The following PDGFC variants were observed in gnomAD, a reference collection of about 807,000 sequenced individuals.
PDGFC encodes the protein platelet-derived growth factor C.
Under a neutral mutation model 35.5 loss-of-function variants are expected in PDGFC, and 12 were observed. That is an observed-to-expected ratio of 0.34 (90% CI 0.22 to 0.55). The LOEUF is 0.55. Among genes scored for constraint, PDGFC ranks in the 20% least tolerant of loss-of-function variants. The pLI is 0.91. For missense variants in PDGFC, 322 were observed against 412.4 expected (o/e 0.78, Z 1.90); for synonymous variants, 159 against 148.8 (o/e 1.07, Z -0.50).
chr4:156,830,747 C>A (rs1728912426), intron 2 of PDGFC, among the ~76,000 whole-genome samples: 1 of 152,088 alleles, frequency 6.6e-6, no homozygotes, highest in Admixed American at 6.6e-5. Flanking sequence ...ATCGAGCATG[C>A]AATTCTTTAA....
At chr4:156,965,780 C>T (rs1732451415) in intron 1 of PDGFC, among the ~76,000 whole-genome samples, 1 of 152,090 alleles carries the variant, frequency 6.6e-6, no homozygotes, top group South Asian at 2.1e-4. Flanking sequence ...TCCTTCAAGT[C>T]ATGGGTCAGG....
chr4:156,970,939 C>T lies in PDGFC; in HGVS notation c.-36G>A. The T allele has an allele frequency of 1.4e-6, 2 of 1,413,328 alleles. No homozygotes were observed. Among genetic ancestry groups the T allele is most frequent in the Non-Finnish European group, 2.0e-6 (2 of 1,001,008 alleles). 87.5% of individuals were successfully genotyped at this position (1,413,328 alleles called of 1,614,324 possible). ...GGGGTGAGAGCTCACTCACGGCGGGCACTTTGGAAGCAGCGACTCCCGAGT... is the reference window on the plus strand; with the variant it reads ...GGGGTGAGAGCTCACTCACGGCGGGTACTTTGGAAGCAGCGACTCCCGAGT... On this transcript the variant is annotated 5_prime_UTR_variant, in exon 1 of 6. Coordinates refer to ENST00000502773, the MANE Select transcript of PDGFC (RefSeq NM_016205.3).
intron 2 of PDGFC, among the ~76,000 whole-genome samples, chr4:156,836,308 T>G (rs2111039287): frequency 6.6e-6 from 1 of 152,322 alleles, no homozygotes; most frequent in East Asian, 1.9e-4. Context: ...AACTCACAAC[T>G]ATGTAAATCC....
chr4:156,829,351 C>T (rs113296240), intron 2 of PDGFC, among the ~76,000 whole-genome samples: 1 of 152,252 alleles, frequency 6.6e-6, no homozygotes, highest in South Asian at 2.1e-4. Context: ...TAGGTGATTT[C>T]ATCATTGTAA....
intron 1 of PDGFC, among the ~76,000 whole-genome samples, chr4:156,896,559 T>C (rs1730637734): frequency 6.6e-6 from 1 of 152,168 alleles, no homozygotes; most frequent in Non-Finnish European, 1.5e-5. Context: ...AATCCCAATT[T>C]AAACTGGGCA....
chr4:156,863,740 T>A lies in PDGFC; in HGVS notation c.119-13324A>T, dbSNP rs144442053. ...CAGATTATAAATACCGTTCCCGAAT[T>A]TGATACTCTTAAAAAGTGGTAAATT... On this transcript the variant is annotated intron_variant, in intron 1 of 5. Coordinates refer to ENST00000502773, the MANE Select transcript of PDGFC (RefSeq NM_016205.3). Among the ~76,000 whole-genome samples, 14 of 152,214 alleles carry A rather than the reference T, an allele frequency of 9.2e-5. No homozygotes were observed. In the East Asian group the frequency reaches 2.7e-3, roughly 29 times the overall value.
intron 3 of PDGFC, 71 bp downstream of exon 3, chr4:156,810,766 T>G (rs1731910669): frequency 4.2e-6 from 4 of 957,642 alleles, no homozygotes; most frequent in Non-Finnish European, 6.3e-6. Flanking sequence ...TTCTCATGTG[T>G]AAGAGGAGAA....
chr4:156,871,429 A>T (rs563717893), intron 1 of PDGFC, among the ~76,000 whole-genome samples: 36 of 152,292 alleles, frequency 2.4e-4, no homozygotes, highest in Non-Finnish European at 4.7e-4. Flanking sequence ...TTGACTGAAG[A>T]TAAGAAATGA....
At chr4:156,968,356 T>C (rs1283038219) in intron 1 of PDGFC, among the ~76,000 whole-genome samples, 3 of 152,132 alleles carry the variant, frequency 2.0e-5, no homozygotes, top group Non-Finnish European at 2.9e-5. Flanking sequence ...ACTGGGCCAA[T>C]GGGATCTTCT....
rs559981666 is a variant in PDGFC, at chr4:156,867,567, T to C, written c.119-17151A>G. Among the ~76,000 whole-genome samples the C allele has an allele frequency of 5.9e-4, 90 of 152,262 alleles. 2 individuals are homozygous for C. Among genetic ancestry groups the C allele is most frequent in the Admixed American group, 5.0e-3 (76 of 15,294 alleles). On this transcript the variant is annotated intron_variant, in intron 1 of 5. Transcript: ENST00000502773. ...GTGTACTTATCTGTCAATTCAAGAG[T>C]ATTCATGTATCAATTCTCCCACACC...
At chr4:156,948,460 G>A (rs1731999826) in intron 1 of PDGFC, among the ~76,000 whole-genome samples, 1 of 151,830 alleles carries the variant, frequency 6.6e-6, no homozygotes, top group African/African-American at 2.4e-5. Context: ...AGCCTGAAGG[G>A]CCACCTTTAA....
chr4:156,851,863 G>A lies in PDGFC; in HGVS notation c.119-1447C>T, dbSNP rs536401352. Among the ~76,000 whole-genome samples, 62 of 146,818 alleles carry A rather than the reference G, an allele frequency of 4.2e-4. 4 individuals carry two copies. In the South Asian group the frequency reaches 0.013, roughly 32 times the overall value. On this transcript the variant is annotated intron_variant, in intron 1 of 5. Coordinates refer to ENST00000502773, the MANE Select transcript of PDGFC (RefSeq NM_016205.3). Reference sequence around the variant, plus strand: ...GGAGAATGGTGTGAACCCAGAAGGCGGAGCTTGCAGTGAGGGGAGATCCCG... The same window carrying A: ...GGAGAATGGTGTGAACCCAGAAGGCAGAGCTTGCAGTGAGGGGAGATCCCG...
Position 156,897,047 on chromosome 4 carries a change from A to T in PDGFC, c.119-46631T>A, listed in dbSNP as rs142764293. Among the ~76,000 whole-genome samples the T allele has an allele frequency of 7.9e-5, 12 of 152,294 alleles. No homozygotes were observed. In the East Asian group the frequency reaches 2.3e-3, roughly 29 times the overall value. ...TACGCACATTAAAGGAGCCCAGTCGATACCTCTTTGCAGTAATAAAGAAAT... is the reference window on the plus strand; with the variant it reads ...TACGCACATTAAAGGAGCCCAGTCGTTACCTCTTTGCAGTAATAAAGAAAT... On this transcript the variant is annotated intron_variant, in intron 1 of 5. Transcript: ENST00000502773.
intron 1 of PDGFC, among the ~76,000 whole-genome samples, chr4:156,926,286 G>A (rs574721153): frequency 1.3e-5 from 2 of 152,088 alleles, no homozygotes; most frequent in East Asian, 3.9e-4. Context: ...ACCCTTAAAG[G>A]TTAAAGACTG....
At chr4:156,810,188 C>T (rs1222837734) in intron 3 of PDGFC, among the ~76,000 whole-genome samples, 1 of 151,470 alleles carries the variant, frequency 6.6e-6, no homozygotes, top group Non-Finnish European at 1.5e-5. Flanking sequence ...AGAATTGTTA[C>T]ATTTTATTAA....
chr4:156,847,257 G>A (rs78345619), intron 2 of PDGFC, among the ~76,000 whole-genome samples: 9,031 of 151,702 alleles, frequency 0.06, 892 homozygotes, highest in African/African-American at 0.21. Context: ...ACCACCATAC[G>A]TAAGTGATCA....
At chr4:156,945,873 T>A (rs754004657) in intron 1 of PDGFC, among the ~76,000 whole-genome samples, 15 of 152,054 alleles carry the variant, frequency 9.9e-5, no homozygotes, top group Non-Finnish European at 2.1e-4. Context: ...ACCAGGCTCA[T>A]TATCAGAAGG....
intron 1 of PDGFC, among the ~76,000 whole-genome samples, chr4:156,900,344 C>T (rs922493986): frequency 6.6e-6 from 1 of 152,138 alleles, no homozygotes; most frequent in African/African-American, 2.4e-5. Context: ...CCACCACATG[C>T]CAGTTACCTT....
intron 1 of PDGFC, among the ~76,000 whole-genome samples, chr4:156,892,467 G>A (rs1004947466): frequency 6.6e-5 from 10 of 151,576 alleles, no homozygotes; most frequent in Non-Finnish European, 1.0e-4. Flanking sequence ...TTCATTTCCT[G>A]ATGGTACCAC....
Sources: gnomAD v4.1 joint callset for allele counts (sites outside exome capture counted in the v4.1 genomes callset) on GRCh38, gnomAD v4.1.1 for gene constraint, MANE v1.5 for transcripts, NCBI Gene and HGNC (gene_info 2026-07-23, HGNC 2026-07-21) for gene names.